The following CACNA1C variants were observed in gnomAD, a reference collection of about 807,000 sequenced individuals.
CACNA1C encodes the protein calcium voltage-gated channel subunit alpha1 C, also known as voltage-dependent L-type calcium channel subunit alpha-1C.
Under a neutral mutation model 229.0 loss-of-function variants are expected in CACNA1C, and 30 were observed. The observed-to-expected ratio is 0.13, with a 90% CI of 0.10 to 0.18. CACNA1C has a LOEUF of 0.18. Among genes scored for constraint, CACNA1C ranks in the 10% least tolerant of loss-of-function variants. CACNA1C has a pLI of 1.00. For missense variants in CACNA1C, 1,658 were observed against 2,845.0 expected (o/e 0.58, Z 9.49); for synonymous variants, 1,114 against 1,132.5 (o/e 0.98, Z 0.33).
At chr12:2,451,850 G>T (rs143394526) in intron 4 of CACNA1C, among the ~76,000 whole-genome samples, 25 of 152,314 alleles carry the variant, frequency 1.6e-4, no homozygotes, top group Non-Finnish European at 2.4e-4. Context: ...GCCAGCAGTT[G>T]CCCAGCTCGT....
At position 2,067,449 on chromosome 12, in the gene CACNA1C, CGTGTGTGTGT is replaced by C. The variant is rs1555107490; in HGVS notation, c.49+13862_49+13871del. Among the ~76,000 whole-genome samples the C allele has an allele frequency of 1.1e-4, 15 of 141,376 alleles. No homozygotes were observed. Among genetic ancestry groups the C allele is most frequent in the Non-Finnish European group, 1.5e-4 (10 of 65,390 alleles). 92.7% of individuals were successfully genotyped at this position (141,376 alleles called of 152,430 possible). On this transcript the variant is annotated intron_variant, in intron 1 of 46. Transcript: ENST00000399655. This position sits in a 1 kb window ranked among gnomAD's most constrained non-coding sequence, Gnocchi z 5.3. ...GCTTAGGACTGTGGACTAGGATGCA[CGTGTGTGTGT>C]GTGTGTGTGTGTGTGTGTGTGTGCG...
chr12:1,997,882 G>T, intron 1 of CACNA1C: 1 of 1,418,818 alleles, frequency 7.0e-7, no homozygotes, highest in Non-Finnish European at 9.8e-7. Flanking sequence ...ACACAACGGA[G>T]CTAAAATATT....
rs529136995 is a variant in CACNA1C at position 2,257,817 on chromosome 12, GC to G, written c.477+137389del. Among the ~76,000 whole-genome samples the G allele has an allele frequency of 4.6e-5, 7 of 152,264 alleles. No individual in the cohort carries two copies. The South Asian group carries it at 1.4e-3, about 31-fold the overall frequency. ...TCTAACTGTTAGAACTGCAAAGACAGCCTTGAAATGGTATATTCTTTATACC... is the reference window on the plus strand; with the variant it reads ...TCTAACTGTTAGAACTGCAAAGACAGCTTGAAATGGTATATTCTTTATACC... On this transcript the variant is annotated intron_variant, in intron 3 of 46. Transcript: ENST00000399655.
chr12:2,468,725 G>A (rs1458418873), intron 5 of CACNA1C, among the ~76,000 whole-genome samples: 1 of 152,214 alleles, frequency 6.6e-6, no homozygotes, highest in Non-Finnish European at 1.5e-5. Flanking sequence ...AAATAGTATT[G>A]TTGTCACCTC....
chr12:2,179,597 T>C (rs1429561782), intron 3 of CACNA1C, among the ~76,000 whole-genome samples: 1 of 152,182 alleles, frequency 6.6e-6, no homozygotes, highest in Admixed American at 6.5e-5. Flanking sequence ...ATTAGTGGAA[T>C]GCTGCTAGAA....
At chr12:2,353,293 TCA>T (rs1000427837) in intron 3 of CACNA1C, among the ~76,000 whole-genome samples, 50 of 152,144 alleles carry the variant, frequency 3.3e-4, no homozygotes, top group African/African-American at 1.2e-3. Flanking sequence ...AAGGCCTGAC[TCA>T]CACAGCAGAG....
rs191076919 is a variant in CACNA1C at position 2,594,972 on chromosome 12, C to T, written c.2664-902C>T. Among the ~76,000 whole-genome samples the T allele has an allele frequency of 3.0e-4, 46 of 152,330 alleles. No individual in the cohort carries two copies. The East Asian group carries it at 8.9e-3, about 29-fold the overall frequency. On this transcript the variant is annotated intron_variant, in intron 19 of 46. Transcript: ENST00000399655. ...AGCAATTCTGCCCTCCTGGCTGGCT[C>T]TCTCTCCATACGTAGCCTCAGCTCA... is the stretch of plus-strand genomic sequence containing the variant.
intron 1 of CACNA1C, among the ~76,000 whole-genome samples, chr12:2,041,031 A>G (rs1221406786): frequency 6.6e-6 from 1 of 152,224 alleles, no homozygotes; most frequent in African/African-American, 2.4e-5. Flanking sequence ...AGATCTGTCC[A>G]ATAAATCCTG....
chr12:2,610,426 G>A (rs1312182222), intron 27 of CACNA1C, 115 bp from the exon 28 acceptor site: 19 of 1,061,042 alleles, frequency 1.8e-5, no homozygotes, highest in East Asian at 5.0e-5. Flanking sequence ...TCAGACTTCC[G>A]GAGAACCCCA....
chr12:2,216,836 G>A (rs940548267), intron 3 of CACNA1C, among the ~76,000 whole-genome samples: 1 of 152,122 alleles, frequency 6.6e-6, no homozygotes, highest in Non-Finnish European at 1.5e-5. Flanking sequence ...CACAGAATTT[G>A]CTGTTTTCCA....
At position 2,566,553 on chromosome 12, in the gene CACNA1C, A is replaced by G. The variant is rs768614762; in HGVS notation, c.1640A>G (p.Asn547Ser). The change falls in exon 12 of 47, where the codon AAC (asparagine) becomes AGC (serine). Residue 547 changes from asparagine (N) to serine (S), a missense_variant. Asn to Ser is a conservative substitution (Grantham distance 46). Transcript: ENST00000399655. This position sits in a 1 kb window ranked among gnomAD's most constrained non-coding sequence, Gnocchi z 4.0. ...CTCACCATTGCCTCTGAGCACTACA[A>G]CCAGCCCAACTGGCTCACAGAAGTC... Reference protein sequence around the residue: ...NTLTIASEHYNQPNWLTEVQD... With the variant: ...NTLTIASEHYSQPNWLTEVQD... 8 of 1,599,022 alleles carry G rather than the reference A, an allele frequency of 5.0e-6. No individual in the cohort carries two copies. The highest frequency in any genetic ancestry group is 4.5e-5 in the East Asian group (2 of 44,072).
chr12:2,576,491 T>G (rs1422250682), intron 13 of CACNA1C, among the ~76,000 whole-genome samples: 1 of 152,224 alleles, frequency 6.6e-6, no homozygotes, highest in Non-Finnish European at 1.5e-5. Context: ...TGCTGCTCGC[T>G]TCTCTCCAAA....
chr12:2,538,016 A>G (rs1359552020), intron 9 of CACNA1C, among the ~76,000 whole-genome samples: 2 of 151,906 alleles, frequency 1.3e-5, no homozygotes, highest in Admixed American at 1.3e-4. Flanking sequence ...TAACCAAGGC[A>G]GCCTGATAGA....
At chr12:2,409,975 G>A (rs11062217) in intron 3 of CACNA1C, among the ~76,000 whole-genome samples, 56,127 of 151,884 alleles carry the variant, frequency 0.37, 10,490 homozygotes, top group Admixed American at 0.49. Context: ...GAAGGGAGAG[G>A]TGGATGAGCA....
rs928775539 is a variant in CACNA1C, at chr12:2,296,457, A to T, written c.478-152519A>T. On this transcript the variant is annotated intron_variant, in intron 3 of 46. Transcript: ENST00000399655. ...AGATCATTTGCAGCACTGCCCTGGG[A>T]GTGGTGACAGGCTGGAGGAAAATTA... Among the ~76,000 whole-genome samples, 5 of 152,170 alleles carry T rather than the reference A, an allele frequency of 3.3e-5. No individual in the cohort carries two copies. In the East Asian group the frequency reaches 9.6e-4, roughly 29 times the overall value.
chr12:2,402,398 C>T (rs532332331), intron 3 of CACNA1C, among the ~76,000 whole-genome samples: 1 of 152,362 alleles, frequency 6.6e-6, no homozygotes, highest in Admixed American at 6.5e-5. Context: ...TGGGCCAGAC[C>T]TGACTGGGAG....
chr12:2,356,698 G>A (rs1033369848), intron 3 of CACNA1C, among the ~76,000 whole-genome samples: 3 of 152,256 alleles, frequency 2.0e-5, no homozygotes, highest in Non-Finnish European at 2.9e-5. Flanking sequence ...TGACCTGTGG[G>A]CTTGCCCTCC....
intron 3 of CACNA1C, among the ~76,000 whole-genome samples, chr12:2,359,222 C>T (rs2097485592): frequency 6.6e-6 from 1 of 152,224 alleles, no homozygotes; most frequent in Admixed American, 6.5e-5. Context: ...TGTTTCCTCC[C>T]ACTTGCTCGG....
At chr12:2,617,847 G>C (rs545365216) in intron 29 of CACNA1C, among the ~76,000 whole-genome samples, 14 of 152,182 alleles carry the variant, frequency 9.2e-5, no homozygotes, top group Non-Finnish European at 1.9e-4. Context: ...GGGTGCATGG[G>C]GAAGTTCACT....
Sources: gnomAD v4.1 joint callset for allele counts (sites outside exome capture counted in the v4.1 genomes callset) on GRCh38, gnomAD v4.1.1 for gene constraint, Gnocchi (gnomAD v3.1) non-coding constraint, MANE v1.5 for transcripts, NCBI Gene and HGNC (gene_info 2026-07-23, HGNC 2026-07-21) for gene names.